The following TOP1 variants were observed in gnomAD, a reference collection of about 807,000 sequenced individuals.
The protein encoded by TOP1 is DNA topoisomerase I.
TOP1 carries 10 observed loss-of-function variants against 111.1 expected under a neutral mutation model. The ratio of observed to expected loss-of-function variants is 0.09; its 90% CI spans 0.06 to 0.15. The LOEUF (loss-of-function observed/expected upper bound fraction) is 0.15. Among genes scored for constraint, TOP1 ranks in the 10% least tolerant of loss-of-function variants. TOP1 has a pLI of 1.00. For missense variants in TOP1, 474 were observed against 926.7 expected, an observed-to-expected ratio of 0.51 and a Z score of 6.34; for synonymous variants, 271 against 302.9, an observed-to-expected ratio of 0.89 and a Z score of 1.10.
At chr20:41,119,066 C>T (rs2034379031) in intron 18 of TOP1, among the ~76,000 whole-genome samples, 2 of 152,168 alleles carry the variant, frequency 1.3e-5, no homozygotes, top group Admixed American at 1.3e-4. Context: ...AAAAAGGAAA[C>T]AAATTATATT....
In TOP1 at chr20:41,029,183, C is replaced by CG; in HGVS notation, c.33+85dup. The CG allele has an allele frequency of 8.7e-7, 1 of 1,144,836 alleles. No homozygotes were observed. Among genetic ancestry groups the CG allele is most frequent in the Non-Finnish European group, 1.2e-6 (1 of 868,120 alleles). 70.9% of individuals were successfully genotyped at this position (1,144,836 alleles called of 1,614,324 possible). On this transcript the variant is annotated intron_variant, in intron 1 of 20. Coordinates refer to ENST00000361337, the MANE Select transcript of TOP1 (RefSeq NM_003286.4). The surrounding 1 kb of genome is among the most constrained non-coding windows in gnomAD (Gnocchi z 6.1). ...CCGGCGCAGGCCCCGACCCCAGCCC[C>CG]GGCCCGGCAGCTTTGACAGGCCGGA...
At chr20:41,107,057 T>C (rs980857064) in intron 13 of TOP1, among the ~76,000 whole-genome samples, 12 of 152,180 alleles carry the variant, frequency 7.9e-5, no homozygotes, top group African/African-American at 2.9e-4. Flanking sequence ...CTTTAATGTT[T>C]CTTTAGTGAA....
rs757544729 is a variant in TOP1 at position 41,077,563 on chromosome 20, CTGT to C, written c.280-14_280-12del. The C allele has an allele frequency of 3.5e-5, 57 of 1,610,614 alleles. No homozygotes were observed. The highest frequency in any genetic ancestry group is 3.3e-4 in the Middle Eastern group (2 of 6,078). On this transcript the variant is annotated splice_polypyrimidine_tract_variant and intron_variant, in intron 4 of 20. Coordinates refer to ENST00000361337, the MANE Select transcript of TOP1 (RefSeq NM_003286.4). ...TTTAGTCCTTTCAAGGTACTAGTTA[CTGT>C]TGTTTTACTTTTCAGGTTCGAGCCT...
chr20:41,050,252 A>G (rs1247536159), intron 2 of TOP1, among the ~76,000 whole-genome samples: 1 of 152,200 alleles, frequency 6.6e-6, no homozygotes, highest in Non-Finnish European at 1.5e-5. Context: ...TCCTGAACTC[A>G]GGTGATCCAC....
At chr20:41,072,758 GAAGCCTGGTGGAGCTCTATA>G in intron 3 of TOP1, 2 of 985,456 alleles carry the variant, frequency 2.0e-6, no homozygotes, top group Non-Finnish European at 2.4e-6. Flanking sequence ...ATTGTATTCA[GAAGCCTGGTGGAGCTCTATA>G]AACCCAAATT....
rs1051429398 is a variant in TOP1, at chr20:41,067,330, A to G, written c.155+5840A>G. Among the ~76,000 whole-genome samples, 3 of 151,810 alleles carry G rather than the reference A, an allele frequency of 2.0e-5. No individual in the cohort carries two copies. Among genetic ancestry groups the G allele is most frequent in the African/African-American group, 7.3e-5 (3 of 41,300 alleles). On this transcript the variant is annotated intron_variant, in intron 3 of 20. Transcript: ENST00000361337. This position sits in a 1 kb window ranked among gnomAD's most constrained non-coding sequence, Gnocchi z 4.0. ...GAGACGAGGTTTCACCATATTGGCC[A>G]GGCTGGTCTCGAACTCCTGGCCTTG...
rs1472751069 is a variant in TOP1, at chr20:41,029,468, C to T, written c.58+13C>T. On this transcript the variant is annotated intron_variant, in intron 2 of 20. Coordinates refer to ENST00000361337, the MANE Select transcript of TOP1 (RefSeq NM_003286.4). This position sits in a 1 kb window ranked among gnomAD's most constrained non-coding sequence, Gnocchi z 6.1. The stretch of plus-strand genomic sequence containing the variant: ...TTCCGATTGAATGGTGAGTGTGCCC[C>T]CTGCGCCGACTCCGGGGCCCCCCAG... The T allele has an allele frequency of 1.9e-6, 3 of 1,555,996 alleles. No individual in the cohort carries two copies. In the African/African-American group the frequency reaches 4.2e-5, roughly 22 times the overall value.
chr20:41,035,848 G>T (rs927305280), intron 2 of TOP1, among the ~76,000 whole-genome samples: 1 of 152,118 alleles, frequency 6.6e-6, no homozygotes, highest in Admixed American at 6.5e-5. Flanking sequence ...ATTACTGATT[G>T]TGCAGGAGAC....
At position 41,083,458 on chromosome 20, in the gene TOP1, GTTATT is replaced by G. The variant is rs1446218472; in HGVS notation, c.508-1001_508-997del. 1.3e-5 allele frequency among the ~76,000 whole-genome samples: 2 copies of G among 152,044 alleles called. No homozygotes were observed. Among genetic ancestry groups the G allele is most frequent in the East Asian group, 3.8e-4 (2 of 5,196 alleles). ...CAGTTATTCCCATAAGTCACATTCTGTTATTTTTCTCATAAAGTTAGGCTCTTATC... is the reference window on the plus strand; with the variant it reads ...CAGTTATTCCCATAAGTCACATTCTGTTTCTCATAAAGTTAGGCTCTTATC... On this transcript the variant is annotated intron_variant, in intron 7 of 20. Coordinates refer to ENST00000361337, the MANE Select transcript of TOP1 (RefSeq NM_003286.4). This position sits in a 1 kb window ranked among gnomAD's most constrained non-coding sequence, Gnocchi z 7.2.
intron 3 of TOP1, among the ~76,000 whole-genome samples, chr20:41,064,271 G>T (rs1600567974): frequency 6.6e-6 from 1 of 152,078 alleles, no homozygotes; most frequent in Non-Finnish European, 1.5e-5. Context: ...TTTGGTCTAT[G>T]TGTCTGTTTT....
rs2034003904 is a variant in TOP1, at chr20:41,097,877, A to G, written c.853-338A>G. ...AGCAGACTTAATAAATGAATAGAATAGGGGTAATGTTTCCAAGAGAGAATC... is the reference window on the plus strand; with the variant it reads ...AGCAGACTTAATAAATGAATAGAATGGGGGTAATGTTTCCAAGAGAGAATC... On this transcript the variant is annotated intron_variant, in intron 10 of 20. Transcript: ENST00000361337. The surrounding 1 kb of genome is among the most constrained non-coding windows in gnomAD (Gnocchi z 4.2). Among the ~76,000 whole-genome samples the G allele has an allele frequency of 6.6e-6, 1 of 152,228 alleles. No homozygotes were observed. Among genetic ancestry groups the G allele is most frequent in the Admixed American group, 6.5e-5 (1 of 15,286 alleles).
chr20:41,082,130 T>C lies in TOP1; in HGVS notation c.507+890T>C, dbSNP rs1036620600. On this transcript the variant is annotated intron_variant, in intron 7 of 20. Transcript: ENST00000361337. This position sits in a 1 kb window ranked among gnomAD's most constrained non-coding sequence, Gnocchi z 4.1. ...TTGGGTGAGTTCTTAGCTCTTATGC[T>C]ACATTTGAGGTTAGCCACTGTCATG... Among the ~76,000 whole-genome samples the C allele has an allele frequency of 1.3e-5, 2 of 152,198 alleles. No homozygotes were observed. The highest frequency in any genetic ancestry group is 1.3e-4 in the Admixed American group (2 of 15,278).
intron 2 of TOP1, among the ~76,000 whole-genome samples, chr20:41,036,293 G>A (rs1419427644): frequency 1.3e-5 from 2 of 152,190 alleles, no homozygotes; most frequent in Non-Finnish European, 2.9e-5. Flanking sequence ...CCCTTTGTAT[G>A]TGGAATGTTA....
At chr20:41,038,636 C>T (rs1383641399) in intron 2 of TOP1, among the ~76,000 whole-genome samples, 1 of 152,140 alleles carries the variant, frequency 6.6e-6, no homozygotes, top group Non-Finnish European at 1.5e-5. Flanking sequence ...TGTCCAGTGA[C>T]AAGGCTTGCT....
chr20:41,122,242 A>C lies in TOP1; in HGVS notation c.2195+87A>C. On this transcript the variant is annotated intron_variant, in intron 20 of 20. Transcript: ENST00000361337. The surrounding 1 kb of genome is among the most constrained non-coding windows in gnomAD (Gnocchi z 5.4). ...AGAGCACTGGTGGCCTTCACATGCCATTCCTAAGCTACACACTTTAGTCCT... is the reference window on the plus strand; with the variant it reads ...AGAGCACTGGTGGCCTTCACATGCCCTTCCTAAGCTACACACTTTAGTCCT... The C allele has an allele frequency of 7.2e-7, 1 of 1,381,516 alleles. No homozygotes were observed. The highest frequency in any genetic ancestry group is 1.0e-6 in the Non-Finnish European group (1 of 987,942). The allele number at this position is 1,381,516 out of a possible 1,614,324, so 85.6% of individuals were successfully genotyped here. A position where few individuals can be genotyped will look rare whatever the true frequency, so the allele number is the denominator to read the frequency against.
chr20:41,085,229 G>A (rs2223745), intron 8 of TOP1, among the ~76,000 whole-genome samples: 85,983 of 152,044 alleles, frequency 0.57, 25,399 homozygotes, highest in East Asian at 0.82. Flanking sequence ...TAGTTAATAA[G>A]CATCTAAAAA....
At chr20:41,120,551 A>G (rs1242228976) in intron 18 of TOP1, among the ~76,000 whole-genome samples, 1 of 152,258 alleles carries the variant, frequency 6.6e-6, no homozygotes, top group African/African-American at 2.4e-5. Context: ...GTCTCTAAGC[A>G]GGAATCTGAG....
intron 8 of TOP1, among the ~76,000 whole-genome samples, chr20:41,090,691 C>CGGGG (rs35499835): frequency 6.6e-6 from 1 of 151,062 alleles, no homozygotes; most frequent in Admixed American, 6.6e-5. Context: ...TTAGTAGAGA[C>CGGGG]GGGGGGGTCT....
chr20:41,054,622 C>T (rs988131309), intron 2 of TOP1, among the ~76,000 whole-genome samples: 7 of 152,154 alleles, frequency 4.6e-5, no homozygotes, highest in African/African-American at 1.2e-4. Flanking sequence ...TGCTGGCACC[C>T]GTATTAGTGC....
Sources: allele counts gnomAD v4.1 joint callset (sites outside exome capture counted in the v4.1 genomes callset), GRCh38; gene constraint gnomAD v4.1.1; non-coding constraint Gnocchi (gnomAD v3.1); transcripts MANE v1.5; gene names NCBI Gene and HGNC (gene_info 2026-07-23, HGNC 2026-07-21).